CSMD3: variants seen among roughly 807,000 people sequenced by gnomAD.
CSMD3 encodes CUB and sushi domain-containing protein 3.
A neutral mutation model predicts 435.2 loss-of-function variants in CSMD3; 177 were observed. That is an observed-to-expected ratio of 0.41 (90% confidence interval 0.36 to 0.46). The LOEUF (loss-of-function observed/expected upper bound fraction) is 0.46. CSMD3 is among the 20% of genes least tolerant of loss of function. CSMD3 has a pLI of 0.34. For missense variants in CSMD3, 4,265 were observed against 4,504.6 expected (o/e 0.95, Z 1.52); for synonymous variants, 1,656 against 1,520.5 (o/e 1.09, Z -2.07).
chr8:112,848,395 A>G (rs2080389300), intron 11 of CSMD3, among the ~76,000 whole-genome samples: 1 of 152,108 alleles, frequency 6.6e-6, no homozygotes, highest in Non-Finnish European at 1.5e-5. Context: ...TCCGAACAAT[A>G]TATATTGCTT....
intron 27 of CSMD3, among the ~76,000 whole-genome samples, chr8:112,522,847 T>C (rs2131022246): frequency 6.6e-6 from 1 of 152,052 alleles, no homozygotes; most frequent in South Asian, 2.1e-4. Context: ...TGCTTCCATC[T>C]AGTTGGGAGT....
intron 38 of CSMD3, among the ~76,000 whole-genome samples, chr8:112,369,268 A>T (rs551936023): frequency 1.3e-5 from 2 of 152,262 alleles, no homozygotes; most frequent in South Asian, 4.1e-4. Flanking sequence ...AACTTTATTT[A>T]AAAATATAAA....
intron 1 of CSMD3, among the ~76,000 whole-genome samples, chr8:113,315,938 C>T (rs953584515): frequency 3.9e-5 from 6 of 152,052 alleles, no homozygotes; most frequent in South Asian, 4.2e-4. Flanking sequence ...AGGCTGCTCT[C>T]GAACTCCTGA....
Position 112,503,792 on chromosome 8 carries a change from T to G in CSMD3, c.5081A>C (p.Lys1694Thr). The change falls in exon 30 of 71, where the codon AAA (lysine) becomes ACA (threonine). Residue 1694 changes from lysine to threonine, a missense_variant and splice_region_variant. Transcript: ENST00000297405. ...TAACATGGAATGTTCATATTTACCT[T>G]TGTATTCTAGATGAAATCCAGTGTA... The part of the protein sequence containing the change: ...VSYTGFHLEY[K>T]AKLRESCFDP... 1 of 1,602,902 alleles carries G rather than the reference T, an allele frequency of 6.2e-7. No individual in the cohort carries two copies. The highest frequency in any genetic ancestry group is 8.5e-7 in the Non-Finnish European group (1 of 1,170,544).
chr8:112,956,200 C>T lies in CSMD3; in HGVS notation c.1343-1439G>A, dbSNP rs539808041. On this transcript the variant is annotated intron_variant, in intron 7 of 70. Transcript: ENST00000297405. The stretch of plus-strand genomic sequence containing the variant: ...TAAATAAGCAGCTAAGACTAGATGG[C>T]TTCTCTCTTTATAGTTTAAGATTCT... Among the ~76,000 whole-genome samples the T allele has an allele frequency of 3.9e-5, 6 of 152,046 alleles. No homozygotes were observed. In the East Asian group the frequency reaches 9.7e-4, roughly 24 times the overall value.
chr8:112,386,724 C>G (rs1830002034), intron 36 of CSMD3, among the ~76,000 whole-genome samples: 3 of 152,066 alleles, frequency 2.0e-5, no homozygotes, highest in Admixed American at 2.0e-4. Context: ...GTCGCTATCT[C>G]CTGACCTCGT....
chr8:113,179,106 G>A (rs531562010), intron 3 of CSMD3, among the ~76,000 whole-genome samples: 1 of 151,156 alleles, frequency 6.6e-6, no homozygotes, highest in Admixed American at 6.6e-5. Context: ...GTGATAAAAC[G>A]GATTATCAAA....
intron 37 of CSMD3, 34 bp from the exon 38 acceptor site, chr8:112,380,490 C>A: frequency 9.6e-7 from 1 of 1,042,016 alleles, no homozygotes; most frequent in Non-Finnish European, 1.5e-6. Context: ...AGACAATGAC[C>A]ACATAATAAG....
intron 9 of CSMD3, among the ~76,000 whole-genome samples, chr8:112,932,019 T>C (rs2083124842): frequency 6.6e-6 from 1 of 152,070 alleles, no homozygotes; most frequent in African/African-American, 2.4e-5. Flanking sequence ...AGTACAGTCA[T>C]TATGGGGGGC....
rs530569926 is a variant in CSMD3 at position 113,117,643 on chromosome 8, C to T, written c.710-18680G>A. On this transcript the variant is annotated intron_variant, in intron 4 of 70. Transcript: ENST00000297405. ...GCTTGCACTGTTCACCTGGAAAAGC[C>T]GAAGGCACTCAACACCAGCCTGTAA... is the stretch of plus-strand genomic sequence containing the variant. 2.0e-4 allele frequency among the ~76,000 whole-genome samples: 30 copies of T among 152,258 alleles called. No homozygotes were observed. The South Asian group carries it at 3.9e-3, about 20-fold the overall frequency.
chr8:112,751,634 T>G (rs966967635), intron 13 of CSMD3, among the ~76,000 whole-genome samples: 14 of 142,616 alleles, frequency 9.8e-5, no homozygotes, highest in African/African-American at 2.8e-4. Context: ...TTAGGTTTTT[T>G]TTTTTTTTTA....
intron 45 of CSMD3, among the ~76,000 whole-genome samples, chr8:112,329,421 T>C (rs1823823488): frequency 6.6e-6 from 1 of 151,876 alleles, no homozygotes; most frequent in Non-Finnish European, 1.5e-5. Context: ...TATATTCCAT[T>C]CCCCCCCACC....
At chr8:112,415,232 A>T (rs1811779252) in intron 32 of CSMD3, among the ~76,000 whole-genome samples, 1 of 152,214 alleles carries the variant, frequency 6.6e-6, no homozygotes, top group African/African-American at 2.4e-5. Flanking sequence ...GTGCAGCCTC[A>T]GGACATGGTG....
At chr8:112,857,957 A>G (rs1162159256) in intron 11 of CSMD3, among the ~76,000 whole-genome samples, 1 of 151,648 alleles carries the variant, frequency 6.6e-6, no homozygotes, top group Non-Finnish European at 1.5e-5. Flanking sequence ...CATGCAACTG[A>G]GGGGTTTGAT....
intron 16 of CSMD3, among the ~76,000 whole-genome samples, chr8:112,682,142 T>G: frequency 6.6e-6 from 1 of 152,078 alleles, no homozygotes; most frequent in East Asian, 1.9e-4. Flanking sequence ...TGTATTAAAC[T>G]ATAACTAGGA....
rs1822271448 is a variant in CSMD3 at position 112,314,453 on chromosome 8, A to G, written c.7525T>C (p.Phe2509Leu). 6.2e-7 allele frequency: 1 copy of G among 1,611,082 alleles called. No homozygotes were observed. The highest frequency in any genetic ancestry group is 8.5e-7 in the Non-Finnish European group (1 of 1,177,526). Residue 2509 changes from phenylalanine to leucine, a missense_variant, in exon 48 of 71, where the codon TTT becomes CTT. Phe to Leu is a conservative substitution (Grantham distance 22). Transcript: ENST00000297405. ...CCATCATACACCTGAAGAACATCAA[A>G]TTCCTTTTCTGTCTGGAAGAATTCT... ...FVEFFQTEKE[F>L]DVLQVYDGPN... is the part of the protein sequence containing the mutation.
intron 5 of CSMD3, among the ~76,000 whole-genome samples, chr8:113,068,378 T>C (rs1379559142): frequency 6.6e-6 from 1 of 152,172 alleles, no homozygotes; most frequent in East Asian, 1.9e-4. Context: ...TTTTAGAGAC[T>C]CCTGCACAAG....
intron 1 of CSMD3, among the ~76,000 whole-genome samples, chr8:113,325,494 G>A (rs897097451): frequency 1.3e-5 from 2 of 152,114 alleles, no homozygotes; most frequent in African/African-American, 4.8e-5. Flanking sequence ...ATGATTGTGA[G>A]GCCTCCCCAG....
At chr8:113,212,854 T>G (rs886252707) in intron 3 of CSMD3, among the ~76,000 whole-genome samples, 1 of 150,690 alleles carries the variant, frequency 6.6e-6, no homozygotes, top group African/African-American at 2.4e-5. Context: ...AACCTGCACA[T>G]TATGCACATG....
Sources: allele counts gnomAD v4.1 joint callset (sites outside exome capture counted in the v4.1 genomes callset), GRCh38; gene constraint gnomAD v4.1.1; transcripts MANE v1.5; gene names NCBI Gene and HGNC (gene_info 2026-07-23, HGNC 2026-07-21).